SNAP25: variants seen among roughly 807,000 people sequenced by gnomAD.
SNAP25 encodes synaptosomal-associated protein 25.
SNAP25 carries 3 observed loss-of-function variants against 28.7 expected under a neutral mutation model. The ratio of observed to expected loss-of-function variants is 0.10; its 90% CI spans 0.05 to 0.27. The LOEUF is 0.27. SNAP25 is among the 10% of genes least tolerant of loss of function. The pLI is 1.00. For missense variants in SNAP25, 117 were observed against 278.7 expected (o/e 0.42, Z 4.13); for synonymous variants, 61 against 88.1 (o/e 0.69, Z 1.72).
intron 1 of SNAP25, among the ~76,000 whole-genome samples, chr20:10,223,721 A>G (rs2122609152): frequency 6.6e-6 from 1 of 152,144 alleles, no homozygotes; most frequent in South Asian, 2.1e-4. Context: ...TTTCTAGAGA[A>G]CCCCAGCTAC....
At chr20:10,270,711 G>A (rs939099988) in intron 1 of SNAP25, among the ~76,000 whole-genome samples, 3 of 151,044 alleles carry the variant, frequency 2.0e-5, no homozygotes, top group Admixed American at 6.6e-5. Context: ...AAAAAAAAAA[G>A]AAAGAAAGAA....
At chr20:10,263,009 CTTTTTTTTTT>C (rs57690835) in intron 1 of SNAP25, among the ~76,000 whole-genome samples, 16 of 50,636 alleles carry the variant, frequency 3.2e-4, no homozygotes, top group Non-Finnish European at 4.8e-4. Context: ...CTGGGGTGCT[CTTTTTTTTTT>C]TTTTTTTTTT....
intron 1 of SNAP25, among the ~76,000 whole-genome samples, chr20:10,226,260 T>C (rs1485413160): frequency 6.6e-6 from 1 of 152,180 alleles, no homozygotes; most frequent in African/African-American, 2.4e-5. Flanking sequence ...TGGCAAACTA[T>C]TTCAATACGC....
rs1258095678 is a variant in SNAP25, at chr20:10,222,802, A to G, written c.-64+3825A>G. Among the ~76,000 whole-genome samples the G allele has an allele frequency of 5.9e-5, 9 of 152,368 alleles. No individual in the cohort carries two copies. The East Asian group carries it at 1.7e-3, about 29-fold the overall frequency. On this transcript the variant is annotated intron_variant, in intron 1 of 7. Coordinates refer to ENST00000254976, the MANE Select transcript of SNAP25 (RefSeq NM_130811.4). The stretch of plus-strand genomic sequence containing the variant: ...GAAGCATCTTTTAAGACTACTTTTC[A>G]GGATACATATACCTACATAGACATA...
chr20:10,242,103 G>A (rs997348383), intron 1 of SNAP25, among the ~76,000 whole-genome samples: 19 of 152,166 alleles, frequency 1.2e-4, no homozygotes, highest in African/African-American at 4.3e-4. Context: ...CACAGTCTCC[G>A]CCTGGAGCAG....
intron 1 of SNAP25, among the ~76,000 whole-genome samples, chr20:10,259,752 G>A (rs1386235252): frequency 1.3e-5 from 2 of 152,098 alleles, no homozygotes; most frequent in African/African-American, 4.8e-5. Context: ...GCCCAGGCTG[G>A]TCTGAAACTC....
At chr20:10,291,502 C>T (rs1187438528) in intron 4 of SNAP25, among the ~76,000 whole-genome samples, 1 of 152,162 alleles carries the variant, frequency 6.6e-6, no homozygotes, top group Non-Finnish European at 1.5e-5. Context: ...TTTGTTTTCA[C>T]CTGTCATTTC....
chr20:10,297,037 G>A lies in SNAP25; in HGVS notation c.394G>A (p.Gly132Ser), dbSNP rs202003366. Reference protein sequence around the residue: ...DEREQMAISGGFIRRVTNDAR... With the variant: ...DEREQMAISGSFIRRVTNDAR... ...ACGGGAGCAGATGGCCATCAGTGGC[G>A]GCTTCATCCGCAGGTGAGCCTCATG... The change falls in exon 6 of 8, where the codon GGC becomes AGC. Residue 132 changes from glycine to serine, a missense_variant. Physicochemically the swap from Gly to Ser is moderately conservative, Grantham distance 56 (BLOSUM62 0). Transcript: ENST00000254976. 1.7e-5 allele frequency: 28 copies of A among 1,601,354 alleles called. No individual in the cohort carries two copies. Among genetic ancestry groups the A allele is most frequent in the Admixed American group, 1.5e-4 (9 of 58,728 alleles).
At chr20:10,288,460 T>C (rs767428305) in intron 4 of SNAP25, among the ~76,000 whole-genome samples, 17 of 152,106 alleles carry the variant, frequency 1.1e-4, no homozygotes, top group Non-Finnish European at 2.2e-4. Flanking sequence ...ATGAAGAAAA[T>C]CTAGAGATAT....
At chr20:10,257,722 C>A (rs2063344948) in intron 1 of SNAP25, among the ~76,000 whole-genome samples, 1 of 146,882 alleles carries the variant, frequency 6.8e-6, no homozygotes, top group Non-Finnish European at 1.5e-5. Context: ...AAAAACAAAA[C>A]AAAACAAAAA....
chr20:10,274,981 G>A (rs1388232690), intron 1 of SNAP25, among the ~76,000 whole-genome samples: 1 of 151,950 alleles, frequency 6.6e-6, no homozygotes, highest in African/African-American at 2.4e-5. Flanking sequence ...ATGGTTTCCT[G>A]GGTGTATACA....
chr20:10,291,201 G>A (rs772521743), intron 4 of SNAP25, among the ~76,000 whole-genome samples: 1 of 152,108 alleles, frequency 6.6e-6, no homozygotes, highest in Non-Finnish European at 1.5e-5. Context: ...AGCCTCCCAA[G>A]TAGCTGGGAT....
chr20:10,298,281 T>C (rs572655958), intron 6 of SNAP25, among the ~76,000 whole-genome samples: 5 of 152,136 alleles, frequency 3.3e-5, no homozygotes, highest in Non-Finnish European at 5.9e-5. Context: ...TGATGATCAT[T>C]TAAATAAACT....
At chr20:10,273,789 T>C (rs1029053627) in intron 1 of SNAP25, among the ~76,000 whole-genome samples, 3 of 152,184 alleles carry the variant, frequency 2.0e-5, no homozygotes, top group Non-Finnish European at 4.4e-5. Flanking sequence ...CAGTTGACCA[T>C]CTCCGCTACA....
At position 10,275,445 on chromosome 20, in the gene SNAP25, G is replaced by A. The variant is rs145163918; in HGVS notation, c.-47G>A. The A allele has an allele frequency of 2.3e-4, 353 of 1,550,804 alleles. 1 individual carries two copies. In the African/African-American group the frequency reaches 2.8e-3, roughly 12 times the overall value. On this transcript the variant is annotated 5_prime_UTR_variant, in exon 2 of 8. Transcript: ENST00000254976. ...TCTTCCCAGGTCCAGAGCCAAACCC[G>A]TCACTGACCCCCCAGCCCAGGCGCC...
At chr20:10,260,357 C>G (rs2063389452) in intron 1 of SNAP25, among the ~76,000 whole-genome samples, 3 of 152,272 alleles carry the variant, frequency 2.0e-5, no homozygotes, top group Non-Finnish European at 4.4e-5. Flanking sequence ...ATGAAGTATG[C>G]ATTTTCTGTT....
chr20:10,261,259 T>A (rs528758388), intron 1 of SNAP25, among the ~76,000 whole-genome samples: 2 of 152,152 alleles, frequency 1.3e-5, no homozygotes, highest in African/African-American at 2.4e-5. Context: ...CGAATGAGTA[T>A]GAACATGTGA....
At chr20:10,263,009 CTTTTTTTTTTTTT>C (rs57690835) in intron 1 of SNAP25, among the ~76,000 whole-genome samples, 1 of 50,634 alleles carries the variant, frequency 2.0e-5, no homozygotes. Context: ...CTGGGGTGCT[CTTTTTTTTTTTTT>C]TTTTTTTTTT....
intron 1 of SNAP25, among the ~76,000 whole-genome samples, chr20:10,227,521 T>C (rs1330473355): frequency 2.0e-5 from 3 of 152,142 alleles, no homozygotes; most frequent in Admixed American, 2.0e-4. Context: ...CATAGATTCA[T>C]CCTAAATATT....
Sources: gnomAD v4.1 joint callset for allele counts (sites outside exome capture counted in the v4.1 genomes callset) on GRCh38, gnomAD v4.1.1 for gene constraint, MANE v1.5 for transcripts, NCBI Gene and HGNC (gene_info 2026-07-23, HGNC 2026-07-21) for gene names.